The following GABRG3 variants were observed in gnomAD, a reference collection of about 807,000 sequenced individuals.
The protein encoded by GABRG3 is gamma-aminobutyric acid receptor subunit gamma-3.
In GABRG3, 25 loss-of-function variants were observed where a neutral mutation model predicts 48.8. The observed-to-expected ratio is 0.51, with a 90% CI of 0.37 to 0.72. The LOEUF (loss-of-function observed/expected upper bound fraction) is 0.72, where lower values mean the gene tolerates loss of function less well. GABRG3 is among the 30% of genes least tolerant of loss of function. GABRG3 has a pLI of 0.00. For missense variants in GABRG3, 394 were observed against 577.9 expected (o/e 0.68, Z 3.26); for synonymous variants, 227 against 217.6 (o/e 1.04, Z -0.38).
At chr15:27,378,197 T>C (rs1895659025) in intron 5 of GABRG3, among the ~76,000 whole-genome samples, 1 of 152,310 alleles carries the variant, frequency 6.6e-6, no homozygotes, top group African/African-American at 2.4e-5. Flanking sequence ...TGCCTGGAGT[T>C]CTTCCATTTC....
At chr15:27,239,256 C>G (rs1323005613) in intron 3 of GABRG3, among the ~76,000 whole-genome samples, 1 of 152,180 alleles carries the variant, frequency 6.6e-6, no homozygotes, top group Non-Finnish European at 1.5e-5. Flanking sequence ...GCTGCAATGG[C>G]CTTTGTCCAA....
intron 3 of GABRG3, among the ~76,000 whole-genome samples, chr15:27,278,544 G>A (rs1278993720): frequency 6.6e-6 from 1 of 152,104 alleles, no homozygotes; most frequent in Non-Finnish European, 1.5e-5. Context: ...GAATTGAATT[G>A]TATATTAGGT....
intron 3 of GABRG3, among the ~76,000 whole-genome samples, chr15:27,311,259 G>A (rs1369678402): frequency 1.4e-5 from 2 of 144,336 alleles, no homozygotes; most frequent in Non-Finnish European, 2.9e-5. Flanking sequence ...CCACATCAAA[G>A]TCAGTAGGGA....
intron 3 of GABRG3, among the ~76,000 whole-genome samples, chr15:27,284,386 A>G (rs1465363266): frequency 2.6e-5 from 4 of 152,232 alleles, no homozygotes; most frequent in Non-Finnish European, 4.4e-5. Context: ...GTGACCCTTG[A>G]TATCAGTGGC....
chr15:27,083,345 ATTT>A (rs10657484), intron 3 of GABRG3, among the ~76,000 whole-genome samples: 2 of 140,822 alleles, frequency 1.4e-5, no homozygotes, highest in African/African-American at 2.7e-5. Flanking sequence ...AGAGCTATTG[ATTT>A]TTTTTTTTTT....
intron 3 of GABRG3, among the ~76,000 whole-genome samples, chr15:27,279,626 CTCT>C (rs540664665): frequency 6.6e-6 from 1 of 152,134 alleles, no homozygotes; most frequent in African/African-American, 2.4e-5. Context: ...ATCGATGTTT[CTCT>C]TCTTCTGCTA....
At chr15:27,026,054 G>A (rs1895977553) in intron 2 of GABRG3, among the ~76,000 whole-genome samples, 2 of 152,182 alleles carry the variant, frequency 1.3e-5, no homozygotes, top group Non-Finnish European at 2.9e-5. Context: ...AGCCAGGGTA[G>A]CCTCTGACAT....
intron 5 of GABRG3, among the ~76,000 whole-genome samples, chr15:27,378,559 CA>C (rs1188237822): frequency 1.3e-5 from 2 of 152,012 alleles, no homozygotes; most frequent in Non-Finnish European, 2.9e-5. Context: ...GTATGGATTC[CA>C]AAATTTCATA....
intron 5 of GABRG3, among the ~76,000 whole-genome samples, chr15:27,470,244 CT>C (rs535233140): frequency 1.6e-3 from 227 of 146,352 alleles, no homozygotes; most frequent in South Asian, 2.4e-3. Context: ...CTTTCTCTCT[CT>C]TTTTTTTTTT....
chr15:27,251,819 CAG>C (rs1050416854), intron 3 of GABRG3, among the ~76,000 whole-genome samples: 1 of 152,168 alleles, frequency 6.6e-6, no homozygotes, highest in Non-Finnish European at 1.5e-5. Context: ...AAAGCCAGGA[CAG>C]AGGGGGCTGG....
intron 3 of GABRG3, among the ~76,000 whole-genome samples, chr15:27,323,013 C>T (rs1243417857): frequency 6.6e-6 from 1 of 152,088 alleles, no homozygotes; most frequent in African/African-American, 2.4e-5. Context: ...TCTGTGTTCT[C>T]CCGATCTCAT....
chr15:27,082,403 C>T (rs17671724), intron 3 of GABRG3, among the ~76,000 whole-genome samples: 28,447 of 152,068 alleles, frequency 0.19, 2,720 homozygotes, highest in Middle Eastern at 0.25. Flanking sequence ...GGGGAACGCA[C>T]GAGCTTGTAT....
At chr15:27,167,593 G>T (rs538870572) in intron 3 of GABRG3, among the ~76,000 whole-genome samples, 1 of 152,282 alleles carries the variant, frequency 6.6e-6, no homozygotes, top group African/African-American at 2.4e-5. Flanking sequence ...ACTAGTTGGA[G>T]CTCAAAAATG....
intron 3 of GABRG3, among the ~76,000 whole-genome samples, chr15:27,134,765 A>T (rs921627946): frequency 3.3e-5 from 5 of 152,160 alleles, no homozygotes; most frequent in Non-Finnish European, 7.4e-5. Context: ...GTACTATGCG[A>T]TCATTGTTGG....
At chr15:27,024,950 G>T (rs1315398086) in intron 2 of GABRG3, among the ~76,000 whole-genome samples, 2 of 151,310 alleles carry the variant, frequency 1.3e-5, no homozygotes, top group Non-Finnish European at 2.9e-5. Context: ...CGCTTGAACC[G>T]GGAGGCAGAG....
intron 3 of GABRG3, among the ~76,000 whole-genome samples, chr15:27,325,823 A>C: frequency 6.6e-6 from 1 of 152,240 alleles, no homozygotes; most frequent in Non-Finnish European, 1.5e-5. Flanking sequence ...AGATTCTTTA[A>C]TGGGAAACTC....
chr15:27,472,923 A>G (rs1459866803), intron 5 of GABRG3, among the ~76,000 whole-genome samples: 1 of 152,166 alleles, frequency 6.6e-6, no homozygotes, highest in Non-Finnish European at 1.5e-5. Flanking sequence ...AGATGAATGT[A>G]TGATGGATTA....
chr15:27,094,981 C>T (rs973882677), intron 3 of GABRG3, among the ~76,000 whole-genome samples: 2 of 151,994 alleles, frequency 1.3e-5, no homozygotes, highest in Non-Finnish European at 2.9e-5. Flanking sequence ...GTGTCTATAC[C>T]ATAGTTTCTT....
chr15:27,362,066 A>G (rs1895041851), intron 5 of GABRG3, among the ~76,000 whole-genome samples: 6 of 152,200 alleles, frequency 3.9e-5, no homozygotes, highest in Admixed American at 3.9e-4. Flanking sequence ...TAATGATGAT[A>G]ATGACACACG....
Sources: allele counts gnomAD v4.1 joint callset (sites outside exome capture counted in the v4.1 genomes callset), GRCh38; gene constraint gnomAD v4.1.1; transcripts MANE v1.5; gene names NCBI Gene and HGNC (gene_info 2026-07-23, HGNC 2026-07-21).